DCDC2: variants seen among roughly 807,000 people sequenced by gnomAD.
DCDC2 encodes doublecortin domain-containing protein 2.
DCDC2 carries 40 observed loss-of-function variants against 50.2 expected under a neutral mutation model. The ratio of observed to expected loss-of-function variants is 0.80; its 90% CI spans 0.62 to 1.04. The LOEUF is 1.04. Among genes scored for constraint, DCDC2 ranks in the 50% least tolerant of loss-of-function variants. The pLI, the probability that DCDC2 is intolerant of heterozygous loss-of-function variation, is 0.00. For synonymous variants in DCDC2, 234 were observed against 210.6 expected (o/e 1.11, Z -0.96); for missense variants, 570 against 581.9 (o/e 0.98, Z 0.21).
chr6:24,359,886 A>C (rs1760634602), upstream of DCDC2, among the ~76,000 whole-genome samples: 1 of 152,188 alleles, frequency 6.6e-6, no homozygotes, highest in Non-Finnish European at 1.5e-5. Flanking sequence ...GCATCACGTG[A>C]AGACAGCAGG....
At chr6:24,278,678 TG>T (rs1178916292) in intron 6 of DCDC2, among the ~76,000 whole-genome samples, 1 of 152,198 alleles carries the variant, frequency 6.6e-6, no homozygotes, top group African/African-American at 2.4e-5. Context: ...CTCTCACTCC[TG>T]CACCTTTCTG....
intron 8 of DCDC2, among the ~76,000 whole-genome samples, chr6:24,199,841 C>T (rs1275765921): frequency 2.0e-5 from 3 of 152,070 alleles, no homozygotes; most frequent in Non-Finnish European, 2.9e-5. Flanking sequence ...AGCTGAAAAA[C>T]ACAGCAAAAG....
At chr6:24,344,520 G>C (rs1760221116) in intron 2 of DCDC2, among the ~76,000 whole-genome samples, 1 of 152,206 alleles carries the variant, frequency 6.6e-6, no homozygotes, top group African/African-American at 2.4e-5. Context: ...AAATGCCAAA[G>C]AGAGGATGCC....
intron 4 of DCDC2, among the ~76,000 whole-genome samples, chr6:24,294,786 T>C (rs1422696435): frequency 6.6e-6 from 1 of 152,194 alleles, no homozygotes; most frequent in African/African-American, 2.4e-5. Flanking sequence ...ATTTATTCCC[T>C]GAATAAACCA....
At chr6:24,368,864 C>A in the DCDC2 span, among the ~76,000 whole-genome samples, 1 of 152,010 alleles carries the variant, frequency 6.6e-6, no homozygotes, top group Non-Finnish European at 1.5e-5. Flanking sequence ...AGAATGTAAG[C>A]CAGGCGTGGC....
chr6:24,178,679 A>C, intron 8 of DCDC2, 47 bp from the exon 9 acceptor site: 1 of 1,539,114 alleles, frequency 6.5e-7, no homozygotes, highest in Non-Finnish European at 8.8e-7. Flanking sequence ...AGCATAACAG[A>C]ACATTTCCAC....
At chr6:24,264,785 T>G (rs1253391047) in intron 7 of DCDC2, among the ~76,000 whole-genome samples, 3 of 151,276 alleles carry the variant, frequency 2.0e-5, no homozygotes, top group African/African-American at 7.3e-5. Context: ...AGATTAAATG[T>G]AAACAGATTA....
At position 24,174,783 on chromosome 6, in the gene DCDC2, G is replaced by C. The variant is rs1253412168; in HGVS notation, c.1378C>G (p.Pro460Ala). The change falls in exon 10 of 10, where the codon CCA (proline) becomes GCA (alanine). Residue 460 changes from proline to alanine, a missense_variant. Transcript: ENST00000378454. ...TGTTGGTTGTTTTCATTTTCTTCTG[G>C]ACTGGTAATTTTTACTTCTGGCCTT... Reference protein sequence around the residue: ...PPRPEVKITSPEENENNQQNK... With the variant: ...PPRPEVKITSAEENENNQQNK... The C allele has an allele frequency of 6.2e-7, 1 of 1,613,458 alleles. No individual in the cohort carries two copies. Among genetic ancestry groups the C allele is most frequent in the South Asian group, 1.1e-5 (1 of 91,004 alleles).
intron 7 of DCDC2, among the ~76,000 whole-genome samples, chr6:24,273,072 C>CATATAG (rs140190243): frequency 0.8 from 121,040 of 151,734 alleles, 48,924 homozygotes; most frequent in East Asian, 0.95. Context: ...TATACACATA[C>CATATAG]ATATAAACAC....
At chr6:24,220,879 A>ACAGCGAGCGAGTGAGCGAGC (rs1762086215) in intron 7 of DCDC2, among the ~76,000 whole-genome samples, 2 of 106,978 alleles carry the variant, frequency 1.9e-5, no homozygotes. Flanking sequence ...CAAGAGAGCG[A>ACAGCGAGCGAGTGAGCGAGC]GAGCGAGAGA....
At chr6:24,345,670 G>A (rs1438448030) in intron 2 of DCDC2, among the ~76,000 whole-genome samples, 4 of 152,194 alleles carry the variant, frequency 2.6e-5, no homozygotes, top group African/African-American at 9.7e-5. Flanking sequence ...TTTCTCTGAA[G>A]TACAGATAGC....
At chr6:24,227,014 T>C (rs891500924) in intron 7 of DCDC2, among the ~76,000 whole-genome samples, 1 of 152,166 alleles carries the variant, frequency 6.6e-6, no homozygotes, top group African/African-American at 2.4e-5. Flanking sequence ...GCTTGTGATA[T>C]AAATCTTAGA....
chr6:24,182,450 A>G (rs1761095050), intron 8 of DCDC2, among the ~76,000 whole-genome samples: 2 of 152,134 alleles, frequency 1.3e-5, no homozygotes, highest in African/African-American at 4.8e-5. Context: ...GGGAACACCT[A>G]AAACTCAACA....
In DCDC2 at chr6:24,260,359, T is replaced by C. The variant is rs980811329; in HGVS notation, c.922+17690A>G. On this transcript the variant is annotated intron_variant, in intron 7 of 9. Transcript: ENST00000378454. ...GGAGACCAGTCCAGACTAATTCGTA[T>C]CTCCTTACATAGATACTGCCTCTTT... 4.6e-5 allele frequency among the ~76,000 whole-genome samples: 7 copies of C among 152,330 alleles called. No individual in the cohort carries two copies. The East Asian group carries it at 1.3e-3, about 29-fold the overall frequency.
At chr6:24,203,516 C>A in intron 8 of DCDC2, among the ~76,000 whole-genome samples, 1 of 152,092 alleles carries the variant, frequency 6.6e-6, no homozygotes, top group African/African-American at 2.4e-5. Flanking sequence ...AATGTAAGAC[C>A]TAAAACCATA....
chr6:24,273,688 G>A (rs1229675229), intron 7 of DCDC2, among the ~76,000 whole-genome samples: 1 of 152,228 alleles, frequency 6.6e-6, no homozygotes, highest in Non-Finnish European at 1.5e-5. Flanking sequence ...CCATGCAAGT[G>A]CCTGGGTTGA....
chr6:24,249,419 TTTCTC>T (rs1762752712), intron 7 of DCDC2, among the ~76,000 whole-genome samples: 2 of 152,206 alleles, frequency 1.3e-5, no homozygotes, highest in African/African-American at 2.4e-5. Context: ...TTCAATACAC[TTTCTC>T]TTCTAACATT....
At chr6:24,198,608 G>A (rs1016091143) in intron 8 of DCDC2, among the ~76,000 whole-genome samples, 2 of 147,156 alleles carry the variant, frequency 1.4e-5, no homozygotes, top group African/African-American at 5.0e-5. Context: ...GCTAGCTACA[G>A]TTTTTTTTTT....
At chr6:24,261,011 C>A (rs1479113095) in intron 7 of DCDC2, among the ~76,000 whole-genome samples, 2 of 152,142 alleles carry the variant, frequency 1.3e-5, no homozygotes, top group Admixed American at 1.3e-4. Context: ...CTAATACATT[C>A]TTTGTCTAGT....
Sources: gnomAD v4.1 joint callset for allele counts (sites outside exome capture counted in the v4.1 genomes callset) on GRCh38, gnomAD v4.1.1 for gene constraint, MANE v1.5 for transcripts, NCBI Gene and HGNC (gene_info 2026-07-23, HGNC 2026-07-21) for gene names.